COL24A1: variants seen among roughly 807,000 people sequenced by gnomAD.
The protein encoded by COL24A1 is collagen alpha-1(XXIV) chain.
COL24A1 carries 224 observed loss-of-function variants against 253.9 expected under a neutral mutation model. That is an observed-to-expected ratio of 0.88 (90% CI 0.79 to 0.99). COL24A1 has a LOEUF of 0.99. COL24A1 is among the 50% of genes least tolerant of loss of function. The pLI is 0.00. For synonymous variants in COL24A1, 685 were observed against 673.7 expected, an observed-to-expected ratio of 1.02 and a Z score of -0.26; for missense variants, 2,131 against 2,068.5, an observed-to-expected ratio of 1.03 and a Z score of -0.59.
intron 13 of COL24A1, 138 bp downstream of exon 13, chr1:86,033,732 C>A: frequency 4.4e-6 from 3 of 679,754 alleles, no homozygotes; most frequent in South Asian, 5.0e-5. Context: ...AAATCACAAA[C>A]TGGAATGTGC....
At chr1:86,083,433 A>G (rs1425302791) in intron 7 of COL24A1, among the ~76,000 whole-genome samples, 1 of 152,036 alleles carries the variant, frequency 6.6e-6, no homozygotes, top group Non-Finnish European at 1.5e-5. Flanking sequence ...TTTGCTGAAC[A>G]AATTTCAGGA....
At chr1:85,771,786 AT>A (rs771917330) in intron 53 of COL24A1, among the ~76,000 whole-genome samples, 20 of 149,654 alleles carry the variant, frequency 1.3e-4, no homozygotes, top group Admixed American at 2.7e-4. Flanking sequence ...TTTTTTATTT[AT>A]TTATTTATTT....
intron 19 of COL24A1, among the ~76,000 whole-genome samples, chr1:86,012,697 A>G (rs1443442989): frequency 6.6e-6 from 1 of 152,094 alleles, no homozygotes; most frequent in Non-Finnish European, 1.5e-5. Context: ...GAAAAGCATA[A>G]ATCAGATCAG....
chr1:85,904,446 T>C (rs1468289664), intron 28 of COL24A1, among the ~76,000 whole-genome samples: 2 of 152,182 alleles, frequency 1.3e-5, no homozygotes, highest in Non-Finnish European at 1.5e-5. Context: ...CCCAAGAGGC[T>C]AAACCACTAT....
chr1:86,033,733 T>C (rs993927000), intron 13 of COL24A1, 137 bp downstream of exon 13: 5 of 683,952 alleles, frequency 7.3e-6, no homozygotes, highest in Middle Eastern at 2.4e-4. Flanking sequence ...AATCACAAAC[T>C]GGAATGTGCA....
chr1:86,020,085 TG>T (rs1294153078), intron 18 of COL24A1, among the ~76,000 whole-genome samples: 3 of 140,174 alleles, frequency 2.1e-5, no homozygotes, highest in Non-Finnish European at 4.6e-5. Context: ...TTTTTTTTTT[TG>T]AGATGGAGTC....
Position 86,036,165 on chromosome 1 carries a change from G to A in COL24A1, c.1951-2242C>T, listed in dbSNP as rs780588619. On this transcript the variant is annotated intron_variant, in intron 12 of 59. Transcript: ENST00000370571. ...ATTTTTCTTTATTATTATTATTATC[G>A]TTGTCGAGATGGGGTCTCACTTTGT... is the stretch of plus-strand genomic sequence containing the variant. Among the ~76,000 whole-genome samples, 8 of 150,758 alleles carry A rather than the reference G, an allele frequency of 5.3e-5. No individual in the cohort carries two copies. The South Asian group carries it at 6.3e-4, about 12-fold the overall frequency.
chr1:86,021,584 T>C (rs1053848241), intron 18 of COL24A1, among the ~76,000 whole-genome samples: 14 of 152,282 alleles, frequency 9.2e-5, no homozygotes, highest in African/African-American at 3.4e-4. Flanking sequence ...TTAATTTAGA[T>C]GTATAGTCCT....
intron 23 of COL24A1, 59 bp from the exon 24 acceptor site, chr1:85,961,352 G>C (rs895992648): frequency 1.8e-5 from 24 of 1,315,470 alleles, no homozygotes; most frequent in Non-Finnish European, 2.5e-5. Context: ...GATTATTCAT[G>C]ACAGTTTCAA....
At chr1:85,993,636 T>A (rs1694507415) in intron 19 of COL24A1, among the ~76,000 whole-genome samples, 1 of 152,078 alleles carries the variant, frequency 6.6e-6, no homozygotes, top group Non-Finnish European at 1.5e-5. Context: ...ATTATCTTGA[T>A]CTTGGTGATG....
chr1:85,999,942 T>A (rs1322404504), intron 19 of COL24A1, among the ~76,000 whole-genome samples: 1 of 152,266 alleles, frequency 6.6e-6, no homozygotes, highest in African/African-American at 2.4e-5. Flanking sequence ...ATATAAGGTC[T>A]TATACAATTT....
rs138917969 is a variant in COL24A1 at position 86,010,530 on chromosome 1, C to T, written c.2310+6621G>A. Among the ~76,000 whole-genome samples, 374 of 152,222 alleles carry T rather than the reference C, an allele frequency of 2.5e-3. 2 individuals carry two copies. Among genetic ancestry groups the T allele is most frequent in the Non-Finnish European group, 4.1e-3 (279 of 67,968 alleles). On this transcript the variant is annotated intron_variant, in intron 19 of 59. Transcript: ENST00000370571. ...AATGTTGATTGGAATGCAATTCTTT[C>T]AGAGAGGAATTTGGCAATATCTAAC...
intron 43 of COL24A1, among the ~76,000 whole-genome samples, chr1:85,832,641 C>T (rs568843773): frequency 4.0e-5 from 6 of 150,888 alleles, no homozygotes; most frequent in East Asian, 1.9e-4. Flanking sequence ...AGGTCCTTCA[C>T]GTCCCTTGTA....
chr1:85,899,873 T>G (rs941086755), intron 28 of COL24A1, among the ~76,000 whole-genome samples: 2 of 152,180 alleles, frequency 1.3e-5, no homozygotes, highest in African/African-American at 4.8e-5. Context: ...TCTGTAGATG[T>G]TAGGTGAGTA....
rs894626970 is a variant in COL24A1 at position 85,938,249 on chromosome 1, T to C, written c.2562+23000A>G. Among the ~76,000 whole-genome samples the C allele has an allele frequency of 5.4e-5, 8 of 147,216 alleles. 1 individual carries two copies. The highest frequency in any genetic ancestry group is 1.5e-4 in the African/African-American group (6 of 40,170). Reference sequence around the variant, plus strand: ...TAGTTCCACTTACTATCACTCTCAATGTCCCAGTGGAGGACTCTGTGCTTT... The same window carrying C: ...TAGTTCCACTTACTATCACTCTCAACGTCCCAGTGGAGGACTCTGTGCTTT... On this transcript the variant is annotated intron_variant, in intron 24 of 59. Transcript: ENST00000370571.
chr1:85,742,006 A>T (rs1294625852), intron 57 of COL24A1, among the ~76,000 whole-genome samples: 1 of 151,982 alleles, frequency 6.6e-6, no homozygotes, highest in African/African-American at 2.4e-5. Flanking sequence ...TTTTCAGGAC[A>T]CCACATCCAG....
At chr1:86,018,573 A>C (rs1417270925) in intron 18 of COL24A1, among the ~76,000 whole-genome samples, 1 of 152,224 alleles carries the variant, frequency 6.6e-6, no homozygotes, top group Non-Finnish European at 1.5e-5. Context: ...CTTTGTTTTC[A>C]GAAAAGCTGA....
intron 23 of COL24A1, among the ~76,000 whole-genome samples, chr1:85,962,427 C>T (rs1042041695): frequency 3.9e-5 from 6 of 152,110 alleles, no homozygotes; most frequent in Non-Finnish European, 5.9e-5. Context: ...TTAATCTAAA[C>T]GTCCTTACAT....
At position 86,153,066 on chromosome 1, in the gene COL24A1, G is replaced by A. The variant is rs143657692; in HGVS notation, c.56+3275C>T. Among the ~76,000 whole-genome samples the A allele has an allele frequency of 2.2e-3, 342 of 152,140 alleles. 1 individual carries two copies. Among genetic ancestry groups the A allele is most frequent in the Non-Finnish European group, 2.3e-3 (153 of 67,994 alleles). ...CTCCAACCAACTTCATTTCTTTCAG[G>A]CCCTCAAATGCACTGTGCTGTCTCA... is the stretch of plus-strand genomic sequence containing the variant. On this transcript the variant is annotated intron_variant, in intron 1 of 59. Transcript: ENST00000370571.
Sources: gnomAD v4.1 joint callset for allele counts (sites outside exome capture counted in the v4.1 genomes callset) on GRCh38, gnomAD v4.1.1 for gene constraint, MANE v1.5 for transcripts, NCBI Gene and HGNC (gene_info 2026-07-23, HGNC 2026-07-21) for gene names.